The following DIRAS2 variants were observed in gnomAD, a reference collection of about 807,000 sequenced individuals.
The protein encoded by DIRAS2 is GTP-binding protein Di-Ras2.
A neutral mutation model predicts 13.9 loss-of-function variants in DIRAS2; 5 were observed. That is an observed-to-expected ratio of 0.36 (90% confidence interval 0.19 to 0.76). DIRAS2 has a LOEUF of 0.76. Among genes scored for constraint, DIRAS2 ranks in the 30% least tolerant of loss-of-function variants. The probability of loss-of-function intolerance (pLI) is 0.53; values close to 1 mark genes in which losing one functional copy is unlikely to be tolerated. For missense variants in DIRAS2, 191 were observed against 263.0 expected (o/e 0.73, Z 1.89); for synonymous variants, 111 against 105.4 (o/e 1.05, Z -0.33).
intron 1 of DIRAS2, among the ~76,000 whole-genome samples, chr9:90,637,309 C>T (rs569148836): frequency 6.6e-6 from 1 of 152,278 alleles, no homozygotes; most frequent in Non-Finnish European, 1.5e-5. Flanking sequence ...GATAAGCTAT[C>T]ATTTATTAAC....
At chr9:90,616,783 A>G (rs1587719540) in intron 1 of DIRAS2, among the ~76,000 whole-genome samples, 1 of 151,840 alleles carries the variant, frequency 6.6e-6, no homozygotes, top group East Asian at 1.9e-4. Flanking sequence ...CTTCCATGTC[A>G]GAACCATTCA....
At position 90,620,223 on chromosome 9, in the gene DIRAS2, G is replaced by A. The variant is rs571480392; in HGVS notation, c.-36-6360C>T. 3.3e-5 allele frequency among the ~76,000 whole-genome samples: 5 copies of A among 152,264 alleles called. No homozygotes were observed. The East Asian group carries it at 9.6e-4, about 29-fold the overall frequency. On this transcript the variant is annotated intron_variant, in intron 1 of 1. Coordinates refer to ENST00000375765, the MANE Select transcript of DIRAS2 (RefSeq NM_017594.5). The stretch of plus-strand genomic sequence containing the variant: ...GCTTTTACTTAAAAACAGACATGAG[G>A]AGGGCCAGTAATCCACTGCATATAG...
rs1307013632 is a variant in DIRAS2, at chr9:90,610,753, G to A, written c.*2475C>T. 1 of 249,058 alleles carries A rather than the reference G, an allele frequency of 4.0e-6. No individual in the cohort carries two copies. The highest frequency in any genetic ancestry group is 7.6e-6 in the Non-Finnish European group (1 of 132,360). The allele number at this position is 249,058 out of a possible 1,614,324, so 15.4% of individuals were successfully genotyped here. The stretch of plus-strand genomic sequence containing the variant: ...AGCTCATAGAAAACGATCTCAAAAT[G>A]AAGACCCATAATTGAGGCTTCAATA... On this transcript the variant is annotated 3_prime_UTR_variant, in exon 2 of 2. Transcript: ENST00000375765.
At chr9:90,640,627 T>C (rs1825410519) in intron 1 of DIRAS2, among the ~76,000 whole-genome samples, 1 of 152,256 alleles carries the variant, frequency 6.6e-6, no homozygotes, top group African/African-American at 2.4e-5. Context: ...ATCTGTCCAC[T>C]GTCAATACTT....
intron 1 of DIRAS2, among the ~76,000 whole-genome samples, chr9:90,619,872 G>A (rs1393819999): frequency 6.6e-6 from 1 of 152,162 alleles, no homozygotes; most frequent in Admixed American, 6.5e-5. Flanking sequence ...CAAGAAAAAG[G>A]AACTGGTACA....
chr9:90,622,892 C>T (rs909149673), intron 1 of DIRAS2, among the ~76,000 whole-genome samples: 12 of 152,122 alleles, frequency 7.9e-5, no homozygotes, highest in Non-Finnish European at 1.5e-4. Context: ...CCTGGGGACA[C>T]TTTCTTCTAT....
At position 90,642,581 on chromosome 9, in the gene DIRAS2, A is replaced by G. The variant is rs370467004; in HGVS notation, c.-37+171T>C. 9.8e-5 allele frequency among the ~76,000 whole-genome samples: 15 copies of G among 152,322 alleles called. No homozygotes were observed. In the South Asian group the frequency reaches 2.5e-3, roughly 25 times the overall value. On this transcript the variant is annotated intron_variant, in intron 1 of 1. Transcript: ENST00000375765. ...CAGCATGATGCTCACCCTCCCTAAC[A>G]AGGATACAGAAATGCAGATTTCTTC...
In DIRAS2 at chr9:90,613,191, CG is replaced by C; in HGVS notation, c.*36del. 6.3e-7 allele frequency: 1 copy of C among 1,582,424 alleles called. No homozygotes were observed. Among genetic ancestry groups the C allele is most frequent in the Non-Finnish European group, 8.6e-7 (1 of 1,163,902 alleles). On this transcript the variant is annotated 3_prime_UTR_variant, in exon 2 of 2. Coordinates refer to ENST00000375765, the MANE Select transcript of DIRAS2 (RefSeq NM_017594.5). This position sits in a 1 kb window ranked among gnomAD's most constrained non-coding sequence, Gnocchi z 5.6. ...GTGTCATTTTGGGGGAGTGAGGTGC[CG>C]GGGACACACAGCTGCTCCTCCCGCA...
intron 1 of DIRAS2, among the ~76,000 whole-genome samples, chr9:90,631,764 C>T (rs1160843992): frequency 3.3e-5 from 5 of 152,152 alleles, no homozygotes; most frequent in African/African-American, 1.2e-4. Flanking sequence ...CCTAAAACTG[C>T]CGGCTCATAT....
chr9:90,630,720 T>C (rs1311864556), intron 1 of DIRAS2, among the ~76,000 whole-genome samples: 1 of 152,238 alleles, frequency 6.6e-6, no homozygotes, highest in Non-Finnish European at 1.5e-5. Context: ...TTTATTGATG[T>C]TTTCTGCTAG....
intron 1 of DIRAS2, among the ~76,000 whole-genome samples, chr9:90,622,182 T>C (rs116460096): frequency 0.023 from 3,569 of 152,246 alleles, 140 homozygotes; most frequent in African/African-American, 0.082. Context: ...AGCCCAGGAA[T>C]GTGAGGTTGC....
In DIRAS2 at chr9:90,629,637, A is replaced by G. The variant is rs568869969; in HGVS notation, c.-37+13115T>C. Among the ~76,000 whole-genome samples, 4 of 152,308 alleles carry G rather than the reference A, an allele frequency of 2.6e-5. No individual in the cohort carries two copies. The South Asian group carries it at 8.3e-4, about 32-fold the overall frequency. ...GTGAATACCAAACTTTGTGACACTC[A>G]AGTCTCTTATATGTAATGGAGTAGT... is the stretch of plus-strand genomic sequence containing the variant. On this transcript the variant is annotated intron_variant, in intron 1 of 1. Transcript: ENST00000375765.
intron 1 of DIRAS2, among the ~76,000 whole-genome samples, chr9:90,626,433 C>T (rs1440381017): frequency 1.6e-5 from 2 of 124,870 alleles, no homozygotes; most frequent in Non-Finnish European, 3.7e-5. Context: ...TAGCAAGACC[C>T]CATTTCTTAA....
At chr9:90,640,199 A>C (rs567195772) in intron 1 of DIRAS2, among the ~76,000 whole-genome samples, 2 of 152,252 alleles carry the variant, frequency 1.3e-5, no homozygotes, top group Non-Finnish European at 2.9e-5. Context: ...TAAACTGTGC[A>C]TATGACTCAC....
Position 90,610,493 on chromosome 9 carries a change from G to A in DIRAS2, c.*2735C>T, listed in dbSNP as rs146200465. On this transcript the variant is annotated 3_prime_UTR_variant, in exon 2 of 2. Transcript: ENST00000375765. ...GGAGCCCCATGCTCATGCCCAGAGCGCCATCTTCAAAGCAATATTTAATTA... is the reference window on the plus strand; with the variant it reads ...GGAGCCCCATGCTCATGCCCAGAGCACCATCTTCAAAGCAATATTTAATTA... 32 of 398,868 alleles carry A rather than the reference G, an allele frequency of 8.0e-5. No individual in the cohort carries two copies. In the East Asian group the frequency reaches 8.2e-4, roughly 10 times the overall value. The allele number at this position is 398,868 out of a possible 1,614,324, so 24.7% of individuals were successfully genotyped here.
chr9:90,638,861 A>T (rs1205235780), intron 1 of DIRAS2, among the ~76,000 whole-genome samples: 1 of 152,156 alleles, frequency 6.6e-6, no homozygotes, highest in Non-Finnish European at 1.5e-5. Flanking sequence ...AGAAACTCCC[A>T]AACTCAAAAG....
At chr9:90,621,171 G>T (rs374982874) in intron 1 of DIRAS2, among the ~76,000 whole-genome samples, 7 of 152,090 alleles carry the variant, frequency 4.6e-5, no homozygotes, top group African/African-American at 1.7e-4. Flanking sequence ...AACAGGCCTG[G>T]GAATGATGGA....
intron 1 of DIRAS2, among the ~76,000 whole-genome samples, chr9:90,628,610 C>T (rs1400219877): frequency 6.6e-6 from 1 of 151,644 alleles, no homozygotes; most frequent in Non-Finnish European, 1.5e-5. Flanking sequence ...CAGTGCCTCA[C>T]GCATGGCTCA....
rs1054162291 is a variant in DIRAS2 at position 90,627,639 on chromosome 9, C to T, written c.-36-13776G>A. On this transcript the variant is annotated intron_variant, in intron 1 of 1. Coordinates refer to ENST00000375765, the MANE Select transcript of DIRAS2 (RefSeq NM_017594.5). Reference sequence around the variant, plus strand: ...CATAACAATGTGAATTTACTTACTGCCACTGAATTAATTACATGCTTGAAA... The same window carrying T: ...CATAACAATGTGAATTTACTTACTGTCACTGAATTAATTACATGCTTGAAA... Among the ~76,000 whole-genome samples, 43 of 152,108 alleles carry T rather than the reference C, an allele frequency of 2.8e-4. No homozygotes were observed. The Middle Eastern group carries it at 0.01, about 36-fold the overall frequency.
Sources: allele counts gnomAD v4.1 joint callset (sites outside exome capture counted in the v4.1 genomes callset), GRCh38; gene constraint gnomAD v4.1.1; non-coding constraint Gnocchi (gnomAD v3.1); transcripts MANE v1.5; gene names NCBI Gene and HGNC (gene_info 2026-07-23, HGNC 2026-07-21).